The following KCNJ9 variants were observed in gnomAD, a reference collection of about 807,000 sequenced individuals.
KCNJ9 encodes G protein-activated inward rectifier potassium channel 3.
Under a neutral mutation model 27.9 loss-of-function variants are expected in KCNJ9, and 18 were observed. The ratio of observed to expected loss-of-function variants is 0.65; its 90% CI spans 0.45 to 0.96. The LOEUF is 0.96. KCNJ9 is among the 40% of genes least tolerant of loss of function. The pLI is 0.00. For missense variants in KCNJ9, 324 were observed against 557.5 expected (o/e 0.58, Z 4.22); for synonymous variants, 229 against 248.2 (o/e 0.92, Z 0.73).
In KCNJ9 at chr1:160,088,426, G is replaced by A. The variant is rs978915342; in HGVS notation, c.*609G>A. The A allele has an allele frequency of 6.6e-6, 1 of 152,242 alleles. No individual in the cohort carries two copies. The highest frequency in any genetic ancestry group is 1.5e-5 in the Non-Finnish European group (1 of 68,100). 9.4% of individuals were successfully genotyped at this position (152,242 alleles called of 1,614,324 possible). ...GGACCAAGATGGGCACATGAGGAGG[G>A]TGCCCTCCTAGCTCCACCCTCACCA... On this transcript the variant is annotated 3_prime_UTR_variant, in exon 3 of 3. Transcript: ENST00000368088.
Position 160,084,722 on chromosome 1 carries a change from G to T in KCNJ9, c.692G>T (p.Gly231Val). The change falls in exon 2 of 3, where the codon GGC becomes GTC. Residue 231 changes from glycine (G) to valine (V), a missense_variant. Physicochemically the swap from Gly to Val is moderately radical, Grantham distance 109. Transcript: ENST00000368088. ...IPLHQTDLSV[G>V]FDTGDDRLFL... ...CTGCACCAGACCGACCTCAGCGTGG[G>T]CTTCGACACGGGAGACGACCGCCTC... 1 of 1,588,280 alleles carries T rather than the reference G, an allele frequency of 6.3e-7. No homozygotes were observed.
At chr1:160,083,725 A>T (rs1363430069) in intron 1 of KCNJ9, among the ~76,000 whole-genome samples, 192 bp from the exon 2 acceptor site, 1 of 152,200 alleles carries the variant, frequency 6.6e-6, no homozygotes, top group Non-Finnish European at 1.5e-5. Flanking sequence ...CAGTTCAGGT[A>T]CATCATTCCA....
chr1:160,087,446 T>C lies in KCNJ9; in HGVS notation c.851-40T>C, dbSNP rs1238229881. ...GGAATGAGAAGAGGAGAGGGAAGCC[T>C]GGAGCTGAGATTCCCCCTGACCGGT... is the stretch of plus-strand genomic sequence containing the variant. On this transcript the variant is annotated intron_variant, in intron 2 of 2. Coordinates refer to ENST00000368088, the MANE Select transcript of KCNJ9 (RefSeq NM_004983.3). The C allele has an allele frequency of 2.6e-6, 4 of 1,554,148 alleles. No individual in the cohort carries two copies. In the African/African-American group the frequency reaches 4.1e-5, roughly 16 times the overall value.
In KCNJ9 at chr1:160,087,665, C is replaced by T. The variant is rs760695651; in HGVS notation, c.1030C>T (p.Arg344Cys). 95 of 1,608,362 alleles carry T rather than the reference C, an allele frequency of 5.9e-5. No homozygotes were observed. The highest frequency in any genetic ancestry group is 7.0e-5 in the Non-Finnish European group (83 of 1,177,522). Reference sequence around the variant, plus strand: ...TCGAGAGCTGGCAGAGGCTGCCGCCCGCCTTGATGCCCATCTCTACTGGTC... The same window carrying T: ...TCGAGAGCTGGCAGAGGCTGCCGCCTGCCTTGATGCCCATCTCTACTGGTC... ...SARELAEAAA[R>C]LDAHLYWSIP... The change falls in exon 3 of 3, where the codon CGC becomes TGC. Residue 344 changes from arginine to cysteine, a missense_variant. Arg to Cys is a radical substitution (Grantham distance 180, BLOSUM62 -3). Transcript: ENST00000368088.
Position 160,088,991 on chromosome 1 carries a change from T to C in KCNJ9, c.*1174T>C, listed in dbSNP as rs1229784503. 4 of 152,250 alleles carry C rather than the reference T, an allele frequency of 2.6e-5. No homozygotes were observed. The highest frequency in any genetic ancestry group is 4.8e-5 in the African/African-American group (2 of 41,436). The allele number at this position is 152,250 out of a possible 1,614,324, so 9.4% of individuals were successfully genotyped here. ...AGGAGTTAGAAATCTCCAGTGTGCG[T>C]TGGAATCACCTGGAGGGCTTGGTAA... On this transcript the variant is annotated 3_prime_UTR_variant, in exon 3 of 3. Coordinates refer to ENST00000368088, the MANE Select transcript of KCNJ9 (RefSeq NM_004983.3).
At chr1:160,084,906 C>A (rs968284152) in intron 2 of KCNJ9, 26 bp downstream of exon 2, 1 of 772,228 alleles carries the variant, frequency 1.3e-6, no homozygotes, top group Middle Eastern at 3.7e-4. Context: ...GGGAGGGGAG[C>A]GGGGTTGGCA....
In KCNJ9 at chr1:160,082,981, G is replaced by T. The variant is rs545245044; in HGVS notation, c.-114-936G>T. Among the ~76,000 whole-genome samples, 5 of 152,318 alleles carry T rather than the reference G, an allele frequency of 3.3e-5. No homozygotes were observed. In the South Asian group the frequency reaches 1.0e-3, roughly 32 times the overall value. ...TAGGATAGTCCATGGGAAGTAAGAG[G>T]CTGGGGGAAAATATAACTAGAGGGA... On this transcript the variant is annotated intron_variant, in intron 1 of 2. Coordinates refer to ENST00000368088, the MANE Select transcript of KCNJ9 (RefSeq NM_004983.3).
At chr1:160,082,302 T>C (rs943889810) in intron 1 of KCNJ9, among the ~76,000 whole-genome samples, 1 of 152,146 alleles carries the variant, frequency 6.6e-6, no homozygotes, top group African/African-American at 2.4e-5. Flanking sequence ...CAATGCTTAC[T>C]CTTCCTGAGG....
At chr1:160,085,989 G>A (rs1011360429) in intron 2 of KCNJ9, among the ~76,000 whole-genome samples, 6 of 151,798 alleles carry the variant, frequency 4.0e-5, no homozygotes, top group African/African-American at 9.7e-5. Context: ...CACTCACCCC[G>A]TTCCCTTTCC....
intron 1 of KCNJ9, among the ~76,000 whole-genome samples, chr1:160,082,968 T>C (rs775195585): frequency 2.6e-5 from 4 of 151,892 alleles, no homozygotes; most frequent in Non-Finnish European, 5.9e-5. Context: ...GGATAGTCCA[T>C]GGGAAGTAAG....
At chr1:160,083,847 G>C (rs1345250581) in intron 1 of KCNJ9, 70 bp from the exon 2 acceptor site, 2 of 388,034 alleles carry the variant, frequency 5.2e-6, no homozygotes, top group Non-Finnish European at 8.3e-6. Flanking sequence ...CCCAGGGCTC[G>C]GTGCTGGCCC....
intron 2 of KCNJ9, among the ~76,000 whole-genome samples, chr1:160,085,728 T>C (rs1369736142): frequency 2.0e-5 from 3 of 152,314 alleles, no homozygotes; most frequent in East Asian, 1.9e-4. Flanking sequence ...GGAGGTCACT[T>C]AGGACTTGAG....
intron 2 of KCNJ9, 139 bp from the exon 3 acceptor site, chr1:160,087,347 G>T (rs1332734342): frequency 3.1e-6 from 4 of 1,295,434 alleles, no homozygotes; most frequent in African/African-American, 1.5e-5. Context: ...GGGAGGGGGG[G>T]AAATGGACTG....
At position 160,084,277 on chromosome 1, in the gene KCNJ9, G is replaced by T; in HGVS notation, c.247G>T (p.Ala83Ser). ...CTTCGGCGCCATCTGGTGGCTGATCGCCTACGGCCGCGGCGACCTGGAGCA... is the reference window on the plus strand; with the variant it reads ...CTTCGGCGCCATCTGGTGGCTGATCTCCTACGGCCGCGGCGACCTGGAGCA... ...LFFGAIWWLI[A>S]YGRGDLEHLE... The change falls in exon 2 of 3, where the codon GCC becomes TCC. Residue 83 changes from alanine to serine, a missense_variant. Physicochemically the swap from Ala to Ser is moderately conservative, Grantham distance 99. Around this residue, in one of 3 missense-constraint regions of KCNJ9, gnomAD observed 241 missense variants for 481.7 expected, o/e 0.50. Transcript: ENST00000368088. The T allele has an allele frequency of 6.2e-7, 1 of 1,613,334 alleles. No individual in the cohort carries two copies.
chr1:160,087,718 G>T lies in KCNJ9; in HGVS notation c.1083G>T (p.Val361=). ...TCCCCAGCCGGCTGGATGAGAAGGT[G>T]GAGGAGGAGGGGGCGGGGGAGGGGG... ...WSIPSRLDEK[V]EEEGAGEGAG... is the part of the protein sequence containing the mutation. The change falls in exon 3 of 3, where the codon GTG becomes GTT. Residue 361 remains valine, a synonymous_variant. Coordinates refer to ENST00000368088, the MANE Select transcript of KCNJ9 (RefSeq NM_004983.3). The T allele has an allele frequency of 8.2e-7, 1 of 1,222,642 alleles. No individual in the cohort carries two copies. The allele number at this position is 1,222,642 out of a possible 1,614,324, so 75.7% of individuals were successfully genotyped here.
Position 160,087,721 on chromosome 1 carries a change from G to C in KCNJ9, c.1086G>C (p.Glu362Asp). 1 of 1,198,316 alleles carries C rather than the reference G, an allele frequency of 8.3e-7. No homozygotes were observed. The highest frequency in any genetic ancestry group is 1.1e-6 in the Non-Finnish European group (1 of 897,964). 74.2% of individuals were successfully genotyped at this position (1,198,316 alleles called of 1,614,324 possible). A position where few individuals can be genotyped will look rare whatever the true frequency, so the allele number is the denominator to read the frequency against. Residue 362 changes from glutamate (E) to aspartate (D), a missense_variant, in exon 3 of 3, where the codon GAG becomes GAC. Physicochemically the swap from Glu to Asp is conservative, Grantham distance 45. Transcript: ENST00000368088. The stretch of plus-strand genomic sequence containing the variant: ...CCAGCCGGCTGGATGAGAAGGTGGA[G>C]GAGGAGGGGGCGGGGGAGGGGGCGG... Reference protein sequence around the residue: ...SIPSRLDEKVEEEGAGEGAGG... With the variant: ...SIPSRLDEKVDEEGAGEGAGG...
At chr1:160,084,902 G>C (rs1447640919) in intron 2 of KCNJ9, 22 bp downstream of exon 2, 1 of 1,505,302 alleles carries the variant, frequency 6.6e-7, no homozygotes, top group South Asian at 1.2e-5. Context: ...CCTGGGGAGG[G>C]GAGCGGGGTT....
Position 160,084,512 on chromosome 1 carries a change from T to C in KCNJ9, c.482T>C (p.Ile161Thr), listed in dbSNP as rs1300592354. Residue 161 changes from isoleucine (I) to threonine (T), a missense_variant, in exon 2 of 3, where the codon ATC becomes ACC. Physicochemically the swap from Ile to Thr is moderately conservative, Grantham distance 89 (BLOSUM62 -1). This residue lies in a region of KCNJ9 where 241 missense variants were observed against 481.7 expected (regional missense o/e 0.50). Coordinates refer to ENST00000368088, the MANE Select transcript of KCNJ9 (RefSeq NM_004983.3). ...ATGGTGGGCTGCATGTTCGTCAAGATCTCGCAGCCCAACAAGCGCGCAGCC... is the reference window on the plus strand; with the variant it reads ...ATGGTGGGCTGCATGTTCGTCAAGACCTCGCAGCCCAACAAGCGCGCAGCC... ...AFMVGCMFVKISQPNKRAATL... is the reference protein window; with the variant it reads ...AFMVGCMFVKTSQPNKRAATL... The C allele has an allele frequency of 6.2e-7, 1 of 1,613,266 alleles. No individual in the cohort carries two copies. The highest frequency in any genetic ancestry group is 1.7e-5 in the Admixed American group (1 of 60,010).
At position 160,087,852 on chromosome 1, in the gene KCNJ9, G is replaced by T; in HGVS notation, c.*35G>T. On this transcript the variant is annotated 3_prime_UTR_variant, in exon 3 of 3. Transcript: ENST00000368088. Reference sequence around the variant, plus strand: ...TCCAGACCCCTGTGGCAGACCGGGGGCCAGACACAGATACATGGGGAACTG... The same window carrying T: ...TCCAGACCCCTGTGGCAGACCGGGGTCCAGACACAGATACATGGGGAACTG... The T allele has an allele frequency of 7.0e-7, 1 of 1,432,564 alleles. No individual in the cohort carries two copies. The highest frequency in any genetic ancestry group is 1.6e-5 in the South Asian group (1 of 63,652). The allele number at this position is 1,432,564 out of a possible 1,614,324, so 88.7% of individuals were successfully genotyped here.
Sources: allele counts gnomAD v4.1 joint callset (sites outside exome capture counted in the v4.1 genomes callset), GRCh38; gene constraint gnomAD v4.1.1; regional missense constraint gnomAD v4.1.1; transcripts MANE v1.5; gene names NCBI Gene and HGNC (gene_info 2026-07-23, HGNC 2026-07-21).